The following SPATA6 variants were observed in gnomAD, a reference collection of about 807,000 sequenced individuals.
SPATA6 encodes spermatogenesis associated 6.
SPATA6 carries 56 observed loss-of-function variants against 65.3 expected under a neutral mutation model. The ratio of observed to expected loss-of-function variants is 0.86; its 90% CI spans 0.69 to 1.07. The LOEUF (loss-of-function observed/expected upper bound fraction) is 1.07. Ranked by LOEUF, SPATA6 falls within the 50% of genes least tolerant of loss-of-function variation. SPATA6 has a pLI of 0.00. For synonymous variants in SPATA6, 199 were observed against 213.2 expected, an observed-to-expected ratio of 0.93 and a Z score of 0.58; for missense variants, 590 against 594.8, an observed-to-expected ratio of 0.99 and a Z score of 0.08.
In SPATA6 at chr1:48,411,603, C is replaced by G; in HGVS notation, c.281-15G>C. On this transcript the variant is annotated splice_polypyrimidine_tract_variant and intron_variant, in intron 4 of 12. Coordinates refer to ENST00000371847, the MANE Select transcript of SPATA6 (RefSeq NM_019073.4). ...TGTTTCACCCACTACAAGAAAGATACCCTATGATTCAAATTATAATAAAAT... is the reference window on the plus strand; with the variant it reads ...TGTTTCACCCACTACAAGAAAGATAGCCTATGATTCAAATTATAATAAAAT... 1 of 1,525,026 alleles carries G rather than the reference C, an allele frequency of 6.6e-7. No individual in the cohort carries two copies. Among genetic ancestry groups the G allele is most frequent in the Non-Finnish European group, 8.8e-7 (1 of 1,137,542 alleles). The allele number at this position is 1,525,026 out of a possible 1,614,324, so 94.5% of individuals were successfully genotyped here. A position where few individuals can be genotyped will look rare whatever the true frequency, so the allele number is the denominator to read the frequency against.
chr1:48,413,671 T>C lies in SPATA6; in HGVS notation c.239-520A>G, dbSNP rs75967911. Among the ~76,000 whole-genome samples the C allele has an allele frequency of 8.1e-4, 123 of 152,144 alleles. 1 individual carries two copies. The East Asian group carries it at 9.5e-3, about 12-fold the overall frequency. On this transcript the variant is annotated intron_variant, in intron 3 of 12. Coordinates refer to ENST00000371847, the MANE Select transcript of SPATA6 (RefSeq NM_019073.4). ...AGAGTGGTGAGTACAGTGAGATACA[T>C]TGACTCTTGAACAACTTGAGCGTTA...
chr1:48,357,166 A>G (rs921561792), intron 10 of SPATA6, among the ~76,000 whole-genome samples: 1 of 152,172 alleles, frequency 6.6e-6, no homozygotes, highest in African/African-American at 2.4e-5. Flanking sequence ...ATTCAAAAGA[A>G]TATCAGCTCC....
At chr1:48,386,373 T>C (rs1438834412) in intron 8 of SPATA6, among the ~76,000 whole-genome samples, 1 of 152,188 alleles carries the variant, frequency 6.6e-6, no homozygotes, top group African/African-American at 2.4e-5. Context: ...TCTGTTACAC[T>C]GACAGAAAAG....
the SPATA6 span, among the ~76,000 whole-genome samples, chr1:48,277,530 C>T: frequency 9.0e-3 from 1,373 of 152,334 alleles, 19 homozygotes; most frequent in African/African-American, 0.031. Context: ...AGATTATATC[C>T]CGCACTTGGC....
intron 9 of SPATA6, among the ~76,000 whole-genome samples, chr1:48,365,538 G>A (rs1422582973): frequency 1.3e-5 from 2 of 152,078 alleles, no homozygotes; most frequent in African/African-American, 2.4e-5. Flanking sequence ...TGGATTCCTA[G>A]GTATTTTATT....
At chr1:48,440,758 A>T (rs1000038505) in intron 3 of SPATA6, among the ~76,000 whole-genome samples, 1 of 152,236 alleles carries the variant, frequency 6.6e-6, no homozygotes, top group Non-Finnish European at 1.5e-5. Flanking sequence ...CTGATCCTAA[A>T]AGATAAGTTT....
chr1:48,278,152 A>C, the SPATA6 span, among the ~76,000 whole-genome samples: 6 of 152,218 alleles, frequency 3.9e-5, no homozygotes, highest in African/African-American at 1.2e-4. Flanking sequence ...TAACAAACAG[A>C]AAGGACATCC....
At chr1:48,285,641 T>C in the SPATA6 span, among the ~76,000 whole-genome samples, 1 of 152,096 alleles carries the variant, frequency 6.6e-6, no homozygotes, top group Non-Finnish European at 1.5e-5. Flanking sequence ...CTGGGCCAAA[T>C]GCACCGTTCC....
At chr1:48,384,764 C>T (rs1184277485) in intron 9 of SPATA6, among the ~76,000 whole-genome samples, 4 of 152,146 alleles carry the variant, frequency 2.6e-5, no homozygotes. Context: ...GAGCCTTTAG[C>T]AAAACAGTAT....
chr1:48,417,867 T>G, intron 3 of SPATA6, among the ~76,000 whole-genome samples: 1 of 152,050 alleles, frequency 6.6e-6, no homozygotes, highest in Non-Finnish European at 1.5e-5. Flanking sequence ...AACATTTTTG[T>G]TTTTTGTTGT....
chr1:48,283,895 C>T, the SPATA6 span, among the ~76,000 whole-genome samples: 1 of 152,038 alleles, frequency 6.6e-6, no homozygotes, highest in African/African-American at 2.4e-5. Flanking sequence ...GTGAATCTGA[C>T]AATTATGTGT....
chr1:48,298,806 G>A lies in SPATA6; in HGVS notation c.1374C>T (p.His458=), dbSNP rs1644861308. ...NRAASYKGKS[H]RPIFENSMDK... ...CCATGCTGTTCTCAAAGATGGGTCG[G>A]TGGGATTTTCCCTTATAAGAGGCTG... The change falls in exon 13 of 13, where the codon CAC becomes CAT. Residue 458 remains histidine (H), a synonymous_variant. Coordinates refer to ENST00000371847, the MANE Select transcript of SPATA6 (RefSeq NM_019073.4). 6.2e-7 allele frequency: 1 copy of A among 1,613,882 alleles called. No individual in the cohort carries two copies. The highest frequency in any genetic ancestry group is 1.3e-5 in the African/African-American group (1 of 74,914).
At chr1:48,313,611 C>A (rs190946176) in intron 11 of SPATA6, among the ~76,000 whole-genome samples, 7 of 152,088 alleles carry the variant, frequency 4.6e-5, no homozygotes, top group Admixed American at 4.6e-4. Context: ...TAACGACCAT[C>A]GAGGCTAGGA....
chr1:48,378,480 A>G (rs1557638719), intron 9 of SPATA6, among the ~76,000 whole-genome samples: 1 of 152,184 alleles, frequency 6.6e-6, no homozygotes, highest in Non-Finnish European at 1.5e-5. Flanking sequence ...AGACATACAC[A>G]AGACTGGGAA....
At chr1:48,432,504 C>T (rs1654498315) in intron 3 of SPATA6, among the ~76,000 whole-genome samples, 1 of 151,980 alleles carries the variant, frequency 6.6e-6, no homozygotes, top group Non-Finnish European at 1.5e-5. Context: ...ATAGAGGATA[C>T]ATAAATGGCT....
intron 5 of SPATA6, among the ~76,000 whole-genome samples, chr1:48,404,354 TACTC>T (rs1188257552): frequency 1.3e-5 from 2 of 152,120 alleles, no homozygotes; most frequent in Non-Finnish European, 2.9e-5. Flanking sequence ...CAATTAGTAT[TACTC>T]AATTAATTTT....
Position 48,343,380 on chromosome 1 carries a change from GA to G in SPATA6, c.1194+12289del, listed in dbSNP as rs537763613. Among the ~76,000 whole-genome samples the G allele has an allele frequency of 4.6e-5, 7 of 152,146 alleles. No individual in the cohort carries two copies. In the South Asian group the frequency reaches 1.0e-3, roughly 23 times the overall value. ...CTGGTCACCTTTGGAGAATGTTAAAGAACAAAATATTATGAACACTAGAAAA... is the reference window on the plus strand; with the variant it reads ...CTGGTCACCTTTGGAGAATGTTAAAGACAAAATATTATGAACACTAGAAAA... On this transcript the variant is annotated intron_variant, in intron 11 of 12. Transcript: ENST00000371847.
the SPATA6 span, among the ~76,000 whole-genome samples, chr1:48,269,890 A>C: frequency 6.7e-6 from 1 of 150,022 alleles, no homozygotes; most frequent in African/African-American, 2.4e-5. Flanking sequence ...TTTACCTTTA[A>C]AAAAAAAGAA....
At chr1:48,268,658 A>G in the SPATA6 span, among the ~76,000 whole-genome samples, 1 of 152,220 alleles carries the variant, frequency 6.6e-6, no homozygotes, top group Non-Finnish European at 1.5e-5. Context: ...CCTTAACTGT[A>G]TAACATATAA....
Sources: gnomAD v4.1 joint callset for allele counts (sites outside exome capture counted in the v4.1 genomes callset) on GRCh38, gnomAD v4.1.1 for gene constraint, MANE v1.5 for transcripts, NCBI Gene and HGNC (gene_info 2026-07-23, HGNC 2026-07-21) for gene names.